Variants in RASSF3 observed in about 807,000 individuals in gnomAD.
RASSF3 encodes the protein Ras association domain family member 3, also known as ras association domain-containing protein 3.
Under a neutral mutation model 19.9 loss-of-function variants are expected in RASSF3, and 19 were observed. The observed-to-expected ratio is 0.96, with a 90% CI of 0.67 to 1.40. The LOEUF (loss-of-function observed/expected upper bound fraction) is 1.40. RASSF3 is among the 40% of genes most tolerant of loss of function. The probability of loss-of-function intolerance (pLI) is 0.00; values close to 1 mark genes in which losing one functional copy is unlikely to be tolerated. For synonymous variants in RASSF3, 110 were observed against 104.2 expected, an observed-to-expected ratio of 1.06 and a Z score of -0.34; for missense variants, 306 against 289.8, an observed-to-expected ratio of 1.06 and a Z score of -0.41.
At chr12:64,523,532 G>A (rs2136105330) in intron 1 of RASSF3, among the ~76,000 whole-genome samples, 1 of 152,306 alleles carries the variant, frequency 6.6e-6, no homozygotes, top group South Asian at 2.1e-4. Context: ...GCAGCCTTCA[G>A]TGGGAGCTCT....
intron 1 of RASSF3, among the ~76,000 whole-genome samples, chr12:64,663,155 T>C (rs17823442): frequency 0.077 from 11,673 of 152,200 alleles, 608 homozygotes; most frequent in Middle Eastern, 0.15. Flanking sequence ...TGTTGATCTC[T>C]CTCTACCCCT....
downstream of RASSF3, among the ~76,000 whole-genome samples, chr12:64,546,703 T>C (rs1480033325): frequency 6.6e-6 from 1 of 152,234 alleles, no homozygotes; most frequent in Non-Finnish European, 1.5e-5. Context: ...ATTAACAGAA[T>C]TCTAAATCTT....
intron 1 of RASSF3, among the ~76,000 whole-genome samples, chr12:64,508,868 A>T (rs1868308976): frequency 6.6e-6 from 1 of 152,136 alleles, no homozygotes; most frequent in South Asian, 2.1e-4. Context: ...CCTAGGCAAC[A>T]AGAGTGAAAC....
intron 3 of RASSF3, among the ~76,000 whole-genome samples, chr12:64,690,768 GC>G (rs894912681): frequency 6.6e-6 from 1 of 151,874 alleles, no homozygotes; most frequent in Non-Finnish European, 1.5e-5. Context: ...ACAGGTGCGA[GC>G]CACTATGCCT....
intron 1 of RASSF3, among the ~76,000 whole-genome samples, chr12:64,521,721 T>C (rs563407286): frequency 6.6e-6 from 1 of 152,322 alleles, no homozygotes; most frequent in Admixed American, 6.5e-5. Flanking sequence ...GCTCTATGTC[T>C]GTATTCTACA....
chr12:64,538,162 T>C (rs1275395534), intron 1 of RASSF3, among the ~76,000 whole-genome samples: 2 of 152,224 alleles, frequency 1.3e-5, no homozygotes, highest in Admixed American at 1.3e-4. Context: ...CTAATATTTT[T>C]CTATTTTTTG....
upstream of RASSF3, among the ~76,000 whole-genome samples, chr12:64,608,283 GA>G (rs1390030357): frequency 6.6e-6 from 1 of 151,856 alleles, no homozygotes; most frequent in Non-Finnish European, 1.5e-5. Context: ...ATAATACAAT[GA>G]AAAAAATCAT....
intron 2 of RASSF3, among the ~76,000 whole-genome samples, chr12:64,576,169 A>G (rs907039472): frequency 6.6e-6 from 1 of 152,194 alleles, no homozygotes; most frequent in Non-Finnish European, 1.5e-5. Flanking sequence ...TTAAACCAAT[A>G]TAATTAAGAC....
chr12:64,684,085 ATTTTTT>A (rs1206268046), intron 1 of RASSF3, among the ~76,000 whole-genome samples: 1 of 127,304 alleles, frequency 7.9e-6, no homozygotes, highest in African/African-American at 3.0e-5. Context: ...TGTGGTTGTA[ATTTTTT>A]TTTTTTTTTT....
chr12:64,621,838 T>C (rs1414414294), intron 1 of RASSF3, among the ~76,000 whole-genome samples: 4 of 152,188 alleles, frequency 2.6e-5, no homozygotes, highest in Non-Finnish European at 5.9e-5. Flanking sequence ...AAAATACTTA[T>C]TACTCCTGTA....
At chr12:64,646,754 T>C (rs1871748982) in intron 1 of RASSF3, among the ~76,000 whole-genome samples, 1 of 152,108 alleles carries the variant, frequency 6.6e-6, no homozygotes, top group Non-Finnish European at 1.5e-5. Context: ...CCATTTTTTT[T>C]TTTTTTCTGT....
chr12:64,552,961 A>C (rs1456244065), intron 2 of RASSF3, among the ~76,000 whole-genome samples: 1 of 152,080 alleles, frequency 6.6e-6, no homozygotes, highest in Admixed American at 6.6e-5. Context: ...CTATAATCCC[A>C]GTACTTTGGG....
chr12:64,660,833 C>G (rs1026298347), intron 1 of RASSF3, among the ~76,000 whole-genome samples: 2 of 152,154 alleles, frequency 1.3e-5, no homozygotes, highest in Non-Finnish European at 2.9e-5. Context: ...TCCTTTCCTG[C>G]CTCCTCTTGT....
At chr12:64,667,546 T>TTGCGGG (rs1872569027) in intron 1 of RASSF3, among the ~76,000 whole-genome samples, 1 of 152,208 alleles carries the variant, frequency 6.6e-6, no homozygotes, top group Non-Finnish European at 1.5e-5. Flanking sequence ...GCTCCTATTC[T>TTGCGGG]AAATGAACAG....
chr12:64,634,655 G>A (rs1012724859), intron 1 of RASSF3, among the ~76,000 whole-genome samples: 24 of 151,054 alleles, frequency 1.6e-4, no homozygotes, highest in African/African-American at 4.4e-4. Flanking sequence ...CGGCTACTCC[G>A]GAGGCTGAAG....
chr12:64,622,580 A>G (rs747421587), intron 1 of RASSF3: 6 of 495,556 alleles, frequency 1.2e-5, no homozygotes, highest in Admixed American at 4.5e-5. Flanking sequence ...AAAAATCTCA[A>G]TTACTTTTGC....
chr12:64,555,717 C>T lies in RASSF3; in HGVS notation c.294+14012C>T, dbSNP rs140019815. On this transcript the variant is annotated intron_variant, in intron 2 of 5. Coordinates refer to the RASSF3 transcript ENST00000637125. Reference sequence around the variant, plus strand: ...TGAGCTGAGATCGCACCACTGCACTCCAGCCTGGGCAACAGAGCAAGACTC... The same window carrying T: ...TGAGCTGAGATCGCACCACTGCACTTCAGCCTGGGCAACAGAGCAAGACTC... 9.2e-3 allele frequency among the ~76,000 whole-genome samples: 1,393 copies of T among 151,212 alleles called. 21 individuals are homozygous for T. The highest frequency in any genetic ancestry group is 0.031 in the African/African-American group (1,270 of 41,220).
intron 1 of RASSF3, among the ~76,000 whole-genome samples, chr12:64,677,270 C>A (rs2136212658): frequency 6.6e-6 from 1 of 152,360 alleles, no homozygotes; most frequent in East Asian, 1.9e-4. Context: ...ACAGCACGGT[C>A]ACAGGACATT....
At chr12:64,585,460 A>T (rs985503917) in intron 2 of RASSF3, among the ~76,000 whole-genome samples, 11 of 152,320 alleles carry the variant, frequency 7.2e-5, no homozygotes, top group African/African-American at 2.4e-4. Context: ...GAACTTTGGG[A>T]ATATAGTACA....
Sources: allele counts gnomAD v4.1 joint callset (sites outside exome capture counted in the v4.1 genomes callset), GRCh38; gene constraint gnomAD v4.1.1; transcripts MANE v1.5; gene names NCBI Gene and HGNC (gene_info 2026-07-23, HGNC 2026-07-21).